The following CD1C variants were observed in gnomAD, a reference collection of about 807,000 sequenced individuals.
CD1C encodes the protein CD1c molecule, also known as T-cell surface glycoprotein CD1c.
CD1C carries 47 observed loss-of-function variants against 39.4 expected under a neutral mutation model. The ratio of observed to expected loss-of-function variants is 1.19; its 90% confidence interval spans 0.94 to 1.52. The LOEUF (loss-of-function observed/expected upper bound fraction) is 1.52, where lower values mean the gene tolerates loss of function less well. Ranked by LOEUF, CD1C falls within the 40% of genes most tolerant of loss-of-function variation. CD1C has a pLI of 0.00. For synonymous variants in CD1C, 165 were observed against 150.8 expected (o/e 1.09, Z -0.69); for missense variants, 417 against 395.2 (o/e 1.06, Z -0.47).
chr1:158,294,641 C>T lies in CD1C; in HGVS notation c.*1165C>T, dbSNP rs150910090. Among the ~76,000 whole-genome samples the T allele has an allele frequency of 6.1e-3, 936 of 152,218 alleles. 3 individuals carry two copies. The highest frequency in any genetic ancestry group is 9.7e-3 in the Admixed American group (148 of 15,288). ...ATCAAGATATTAAATGTCATAACCCCTCATACCTGTTTGTAGTCAAGCACA... is the reference window on the plus strand; with the variant it reads ...ATCAAGATATTAAATGTCATAACCCTTCATACCTGTTTGTAGTCAAGCACA... On this transcript the variant is annotated 3_prime_UTR_variant, in exon 6 of 6. Coordinates refer to ENST00000368170, the MANE Select transcript of CD1C (RefSeq NM_001765.3).
At chr1:158,290,999 T>G in intron 1 of CD1C, 135 bp from the exon 2 acceptor site, 2 of 925,796 alleles carry the variant, frequency 2.2e-6, no homozygotes, top group South Asian at 1.8e-5. Context: ...GGGCTCTGTG[T>G]AAGGAAAATG....
At chr1:158,290,277 A>G (rs1650989312) in intron 1 of CD1C, 152 bp downstream of exon 1, 1 of 631,682 alleles carries the variant, frequency 1.6e-6, no homozygotes, top group Non-Finnish European at 2.8e-6. Context: ...ATGGTGGCAG[A>G]GCATGGGCTC....
At position 158,291,287 on chromosome 1, in the gene CD1C, C is replaced by G; in HGVS notation, c.215C>G (p.Ser72Cys). 1 of 1,614,060 alleles carries G rather than the reference C, an allele frequency of 6.2e-7. No individual in the cohort carries two copies. Among genetic ancestry groups the G allele is most frequent in the Non-Finnish European group, 8.5e-7 (1 of 1,180,004 alleles). The change falls in exon 2 of 6, where the codon TCC becomes TGC. Residue 72 changes from serine (S) to cysteine (C), a missense_variant. Ser to Cys is a moderately radical substitution (Grantham distance 112). Transcript: ENST00000368170. ...ACAATAATTTTCCTGCATAACTGGT[C>G]CAAGGGCAACTTCAGCAATGAAGAG... ...SGTIIFLHNW[S>C]KGNFSNEELS...
At position 158,294,135 on chromosome 1, in the gene CD1C, G is replaced by C. The variant is rs958965508; in HGVS notation, c.*659G>C. 6.6e-6 allele frequency among the ~76,000 whole-genome samples: 1 copy of C among 152,204 alleles called. No homozygotes were observed. The highest frequency in any genetic ancestry group is 1.5e-5 in the Non-Finnish European group (1 of 68,030). On this transcript the variant is annotated 3_prime_UTR_variant, in exon 6 of 6. Coordinates refer to ENST00000368170, the MANE Select transcript of CD1C (RefSeq NM_001765.3). ...AGAATTACAAATGCAAATAGACAGA[G>C]AGTGTGCAAGTTACATGTGATGATC... is the stretch of plus-strand genomic sequence containing the variant.
rs568774285 is a variant in CD1C at position 158,292,334 on chromosome 1, G to T, written c.579G>T (p.Leu193=). The T allele has an allele frequency of 3.7e-6, 6 of 1,614,076 alleles. 1 individual carries two copies. In the South Asian group the frequency reaches 6.6e-5, roughly 18 times the overall value. Residue 193 remains leucine, a synonymous_variant, in exon 3 of 6, where the codon CTG becomes CTT. Transcript: ENST00000368170. ...STCPRFLLGL[L]DAGKMYVHRQ... is the part of the protein sequence containing the mutation. Reference sequence around the variant, plus strand: ...GCCCCCGATTTCTCTTGGGTCTCCTGGATGCAGGGAAGATGTATGTACACA... The same window carrying T: ...GCCCCCGATTTCTCTTGGGTCTCCTTGATGCAGGGAAGATGTATGTACACA...
chr1:158,291,500 A>T (rs1208339605), intron 2 of CD1C, 100 bp downstream of exon 2: 1 of 1,219,330 alleles, frequency 8.2e-7, no homozygotes, highest in Non-Finnish European at 1.2e-6. Context: ...ATCCCATCCC[A>T]CCATAAAATT....
At chr1:158,293,025 A>T (rs1030725511) in intron 4 of CD1C, 151 bp downstream of exon 4, 1 of 884,706 alleles carries the variant, frequency 1.1e-6, no homozygotes, top group Non-Finnish European at 1.7e-6. Context: ...CCTAAGGGAT[A>T]CATGGATACT....
chr1:158,290,155 A>G, intron 1 of CD1C, 30 bp downstream of exon 1: 1 of 1,602,240 alleles, frequency 6.2e-7, no homozygotes, highest in South Asian at 1.1e-5. Context: ...CTGCAAGGTT[A>G]CATGTATCTG....
rs752357841 is a variant in CD1C at position 158,293,183 on chromosome 1, G to T, written c.890-29G>T. On this transcript the variant is annotated intron_variant, in intron 4 of 5. Coordinates refer to ENST00000368170, the MANE Select transcript of CD1C (RefSeq NM_001765.3). ...TAGAATCAGCAGTGAGTTTAAAATG[G>T]CATCCATGTATCTTTCCAATATGTG... 17 of 1,523,252 alleles carry T rather than the reference G, an allele frequency of 1.1e-5. No individual in the cohort carries two copies. The South Asian group carries it at 1.5e-4, about 13-fold the overall frequency. 94.4% of individuals were successfully genotyped at this position (1,523,252 alleles called of 1,614,324 possible).
At chr1:158,291,789 C>G (rs895163575) in intron 2 of CD1C, among the ~76,000 whole-genome samples, 1 of 152,086 alleles carries the variant, frequency 6.6e-6, no homozygotes, top group African/African-American at 2.4e-5. Flanking sequence ...ATCCTCCTAC[C>G]TCCCTCACAA....
rs1571144470 is a variant in CD1C at position 158,292,051 on chromosome 1, TGAAC to T, written c.329-32_329-29del. 12 of 1,578,708 alleles carry T rather than the reference TGAAC, an allele frequency of 7.6e-6. No individual in the cohort carries two copies. In the Admixed American group the frequency reaches 1.3e-4, roughly 18 times the overall value. ...ATACTGTTGTTTTCACTTTTTTGTT[TGAAC>T]TCTTTTTCTCATTCCTCCCTTCCTC... is the stretch of plus-strand genomic sequence containing the variant. On this transcript the variant is annotated intron_variant, in intron 2 of 5. Transcript: ENST00000368170.
rs1651140284 is a variant in CD1C, at chr1:158,293,770, T to C, written c.*294T>C. The C allele has an allele frequency of 1.7e-6, 1 of 573,976 alleles. No homozygotes were observed. The highest frequency in any genetic ancestry group is 3.1e-6 in the Non-Finnish European group (1 of 326,230). 35.6% of individuals were successfully genotyped at this position (573,976 alleles called of 1,614,324 possible). ...ACTGTTATGTGCATGCAACACTTCC[T>C]ACCCTGTGTTGCAGCTACTTGAGTC... On this transcript the variant is annotated 3_prime_UTR_variant, in exon 6 of 6. Transcript: ENST00000368170.
In CD1C at chr1:158,293,579, C is replaced by T; in HGVS notation, c.*103C>T. ...CGTCGACTCTCCATTTAAATTGTTT[C>T]TCTTTCTGCATAATAAACATTTGTT... On this transcript the variant is annotated 3_prime_UTR_variant, in exon 6 of 6. Transcript: ENST00000368170. 1.2e-6 allele frequency: 2 copies of T among 1,613,384 alleles called. No homozygotes were observed. Among genetic ancestry groups the T allele is most frequent in the Admixed American group, 1.7e-5 (1 of 59,886 alleles).
chr1:158,290,237 GTCTC>G, intron 1 of CD1C, 112 bp downstream of exon 1: 1 of 903,884 alleles, frequency 1.1e-6, no homozygotes, highest in Non-Finnish European at 1.8e-6. Context: ...GAGCATACCT[GTCTC>G]CAGGTCCAGT....
intron 1 of CD1C, among the ~76,000 whole-genome samples, chr1:158,290,831 A>G (rs140035526): frequency 6.6e-6 from 1 of 152,274 alleles, no homozygotes; most frequent in Non-Finnish European, 1.5e-5. Flanking sequence ...CAATGCAGAT[A>G]GTATGAACAT....
In CD1C at chr1:158,292,368, CA is replaced by C. The variant is rs1288231831; in HGVS notation, c.610+4del. 7.5e-6 allele frequency: 12 copies of C among 1,610,086 alleles called. No individual in the cohort carries two copies. Among genetic ancestry groups the C allele is most frequent in the Non-Finnish European group, 1.0e-5 (12 of 1,178,038 alleles). Reference sequence around the variant, plus strand: ...GAAGATGTATGTACACAGGCAAGGTCAGTAGTTTCAGCCCCTTCCTCTAAGA... The same window carrying C: ...GAAGATGTATGTACACAGGCAAGGTCGTAGTTTCAGCCCCTTCCTCTAAGA... On this transcript the variant is annotated splice_donor_region_variant and intron_variant, in intron 3 of 5. Coordinates refer to ENST00000368170, the MANE Select transcript of CD1C (RefSeq NM_001765.3).
Position 158,293,616 on chromosome 1 carries a change from A to G in CD1C, c.*140A>G, listed in dbSNP as rs937023955. 6.3e-6 allele frequency: 10 copies of G among 1,593,126 alleles called. No homozygotes were observed. Among genetic ancestry groups the G allele is most frequent in the Non-Finnish European group, 8.6e-6 (10 of 1,167,056 alleles). ...AATAAACATTTGTTAATAAAAACCAAATTCTAATTTGGAATGTTTTTCTTG... is the reference window on the plus strand; with the variant it reads ...AATAAACATTTGTTAATAAAAACCAGATTCTAATTTGGAATGTTTTTCTTG... On this transcript the variant is annotated 3_prime_UTR_variant, in exon 6 of 6. Transcript: ENST00000368170.
Position 158,293,256 on chromosome 1 carries a change from C to A in CD1C, c.934C>A (p.Pro312Thr). ...MNWIALVVIV[P>T]LVILIVLVLW... The stretch of plus-strand genomic sequence containing the variant: ...TTGGATTGCCTTGGTAGTGATAGTG[C>A]CCTTGGTGATTCTAATAGTCCTTGT... Residue 312 changes from proline to threonine, a missense_variant, in exon 5 of 6, where the codon CCC becomes ACC. Physicochemically the swap from Pro to Thr is conservative, Grantham distance 38. Transcript: ENST00000368170. The A allele has an allele frequency of 6.2e-7, 1 of 1,614,030 alleles. No individual in the cohort carries two copies. The highest frequency in any genetic ancestry group is 8.5e-7 in the Non-Finnish European group (1 of 1,179,940).
chr1:158,292,445 C>A (rs1651078789), intron 3 of CD1C, 80 bp downstream of exon 3: 2 of 1,516,312 alleles, frequency 1.3e-6, no homozygotes, highest in Admixed American at 1.9e-5. Flanking sequence ...AAACTCAGGA[C>A]AAGAAAGAGG....
Sources: allele counts gnomAD v4.1 joint callset (sites outside exome capture counted in the v4.1 genomes callset), GRCh38; gene constraint gnomAD v4.1.1; transcripts MANE v1.5; gene names NCBI Gene and HGNC (gene_info 2026-07-23, HGNC 2026-07-21).